The following BAG2 variants were observed in gnomAD, a reference collection of about 807,000 sequenced individuals.
BAG2 encodes BAG family molecular chaperone regulator 2.
A neutral mutation model predicts 16.4 loss-of-function variants in BAG2; 8 were observed. The ratio of observed to expected loss-of-function variants is 0.49; its 90% CI spans 0.29 to 0.88. The LOEUF (loss-of-function observed/expected upper bound fraction) is 0.88, where lower values mean the gene tolerates loss of function less well. Among genes scored for constraint, BAG2 ranks in the 40% least tolerant of loss-of-function variants. The pLI is 0.09. For missense variants in BAG2, 218 were observed against 248.9 expected (o/e 0.88, Z 0.84); for synonymous variants, 82 against 89.2 (o/e 0.92, Z 0.46).
At chr6:57,175,263 G>A (rs905820333) in intron 1 of BAG2, among the ~76,000 whole-genome samples, 8 of 152,008 alleles carry the variant, frequency 5.3e-5, no homozygotes, top group Non-Finnish European at 1.2e-4. Context: ...ATGATATTAC[G>A]ATTCTCTCTC....
intron 1 of BAG2, among the ~76,000 whole-genome samples, chr6:57,177,612 T>TTG (rs888529621): frequency 3.9e-5 from 6 of 151,924 alleles, no homozygotes; most frequent in African/African-American, 1.2e-4. Context: ...ACATATTAAC[T>TTG]TGTGTGTGTG....
chr6:57,175,124 G>T (rs561892455), intron 1 of BAG2, among the ~76,000 whole-genome samples: 1 of 152,130 alleles, frequency 6.6e-6, no homozygotes, highest in East Asian at 1.9e-4. Context: ...TTCTACAGAG[G>T]TGATTCCCTT....
In BAG2 at chr6:57,188,636, CTGTT is replaced by C. The variant is rs149301482; in HGVS notation, c.*4451_*4454del. 1.3e-5 allele frequency: 2 copies of C among 152,132 alleles called. No individual in the cohort carries two copies. Among genetic ancestry groups the C allele is most frequent in the African/African-American group, 2.4e-5 (1 of 41,430 alleles). 9.4% of individuals were successfully genotyped at this position (152,132 alleles called of 1,614,324 possible). The stretch of plus-strand genomic sequence containing the variant: ...AAAGATGACTCATTAGCAGTATCCA[CTGTT>C]TGTTAGGAACTGAATTTTGCCCCCA... On this transcript the variant is annotated 3_prime_UTR_variant, in exon 3 of 3. Transcript: ENST00000370693.
At chr6:57,177,828 T>C (rs1335928273) in intron 1 of BAG2, among the ~76,000 whole-genome samples, 1 of 152,220 alleles carries the variant, frequency 6.6e-6, no homozygotes, top group Non-Finnish European at 1.5e-5. Flanking sequence ...GCAAAATTGC[T>C]GTTGTACTCC....
rs542218706 is a variant in BAG2, at chr6:57,180,184, G to A, written c.114-1848G>A. On this transcript the variant is annotated intron_variant, in intron 1 of 2. Coordinates refer to ENST00000370693, the MANE Select transcript of BAG2 (RefSeq NM_004282.4). ...AATTCACAATAGCAGCAATATCCAC[G>A]AAGACTACTATGAAGAATACATGGG... 3.9e-5 allele frequency among the ~76,000 whole-genome samples: 6 copies of A among 152,180 alleles called. No individual in the cohort carries two copies. The South Asian group carries it at 1.0e-3, about 26-fold the overall frequency.
intron 1 of BAG2, among the ~76,000 whole-genome samples, chr6:57,177,467 C>T (rs986341087): frequency 1.3e-5 from 2 of 152,192 alleles, no homozygotes; most frequent in South Asian, 4.2e-4. Flanking sequence ...ATGGTATGAG[C>T]ATTTGCCATT....
chr6:57,174,504 T>C lies in BAG2; in HGVS notation c.113+1694T>C. 4 of 867,930 alleles carry C rather than the reference T, an allele frequency of 4.6e-6. No individual in the cohort carries two copies. In the South Asian group the frequency reaches 6.5e-5, roughly 14 times the overall value. 53.8% of individuals were successfully genotyped at this position (867,930 alleles called of 1,614,324 possible). On this transcript the variant is annotated intron_variant, in intron 1 of 2. Transcript: ENST00000370693. ...ATGTAAAATGAATTCTGATTGCACATCAGTGATTAAATTACAACTTGCTTA... is the reference window on the plus strand; with the variant it reads ...ATGTAAAATGAATTCTGATTGCACACCAGTGATTAAATTACAACTTGCTTA...
chr6:57,189,413 T>C lies in BAG2; in HGVS notation c.*5223T>C, dbSNP rs1764744990. 6.6e-6 allele frequency: 1 copy of C among 152,216 alleles called. No individual in the cohort carries two copies. The highest frequency in any genetic ancestry group is 2.4e-5 in the African/African-American group (1 of 41,460). The allele number at this position is 152,216 out of a possible 1,614,324, so 9.4% of individuals were successfully genotyped here. On this transcript the variant is annotated 3_prime_UTR_variant, in exon 3 of 3. Coordinates refer to ENST00000370693, the MANE Select transcript of BAG2 (RefSeq NM_004282.4). ...CACTTTAAAAATGGTTAGTGTAATCTTGTAAGTTCAAAGCTGGGTTCTCAG... is the reference window on the plus strand; with the variant it reads ...CACTTTAAAAATGGTTAGTGTAATCCTGTAAGTTCAAAGCTGGGTTCTCAG...
chr6:57,178,014 G>A (rs1000804002), intron 1 of BAG2, among the ~76,000 whole-genome samples: 2 of 152,174 alleles, frequency 1.3e-5, no homozygotes, highest in Non-Finnish European at 2.9e-5. Flanking sequence ...CATGCAGGGA[G>A]TTTTCCAGGA....
intron 1 of BAG2, among the ~76,000 whole-genome samples, chr6:57,176,708 G>A (rs1028219823): frequency 1.2e-4 from 18 of 152,264 alleles, no homozygotes; most frequent in African/African-American, 4.3e-4. Context: ...CATTCGTCTG[G>A]CTTAAAGTTT....
At position 57,188,898 on chromosome 6, in the gene BAG2, A is replaced by AG. The variant is rs1764721067; in HGVS notation, c.*4712dup. On this transcript the variant is annotated 3_prime_UTR_variant, in exon 3 of 3. Coordinates refer to ENST00000370693, the MANE Select transcript of BAG2 (RefSeq NM_004282.4). ...TGATTTTCTCAACATTAGGAGGATG[A>AG]GGGGAGTACAGATGGAAAAACAAAA... 6.6e-6 allele frequency: 1 copy of AG among 152,204 alleles called. No homozygotes were observed. The highest frequency in any genetic ancestry group is 1.5e-5 in the Non-Finnish European group (1 of 68,014). 9.4% of individuals were successfully genotyped at this position (152,204 alleles called of 1,614,324 possible). A position where few individuals can be genotyped will look rare whatever the true frequency, so the allele number is the denominator to read the frequency against.
At chr6:57,182,662 CTTTTTTT>C (rs932870447) in intron 2 of BAG2, among the ~76,000 whole-genome samples, 23 of 150,412 alleles carry the variant, frequency 1.5e-4, no homozygotes, top group Middle Eastern at 3.4e-3. Context: ...TTTCTTTTTT[CTTTTTTT>C]GAGATGGAGT....
intron 1 of BAG2, chr6:57,173,469 T>C: frequency 1.0e-6 from 1 of 985,390 alleles, no homozygotes. Context: ...TCGGTATTTA[T>C]TGGGCACCTC....
chr6:57,187,008 C>T lies in BAG2; in HGVS notation c.*2818C>T, dbSNP rs1296118823. 6.6e-6 allele frequency: 1 copy of T among 152,120 alleles called. No homozygotes were observed. The highest frequency in any genetic ancestry group is 1.5e-5 in the Non-Finnish European group (1 of 68,002). 9.4% of individuals were successfully genotyped at this position (152,120 alleles called of 1,614,324 possible). On this transcript the variant is annotated 3_prime_UTR_variant, in exon 3 of 3. Coordinates refer to ENST00000370693, the MANE Select transcript of BAG2 (RefSeq NM_004282.4). The stretch of plus-strand genomic sequence containing the variant: ...CACACAAAATTTTAGCTTTGAAATG[C>T]ATTTATTTTCTGATTATTGGAATTC...
In BAG2 at chr6:57,188,251, C is replaced by T. The variant is rs1445411927; in HGVS notation, c.*4061C>T. 1.3e-5 allele frequency: 2 copies of T among 152,076 alleles called. No individual in the cohort carries two copies. The highest frequency in any genetic ancestry group is 6.5e-5 in the Admixed American group (1 of 15,276). 9.4% of individuals were successfully genotyped at this position (152,076 alleles called of 1,614,324 possible). A position where few individuals can be genotyped will look rare whatever the true frequency, so the allele number is the denominator to read the frequency against. Reference sequence around the variant, plus strand: ...TAAATTGAGAAATTAACATGGCTGACTTTCAGGCCTACTTAATTATTTTAA... The same window carrying T: ...TAAATTGAGAAATTAACATGGCTGATTTTCAGGCCTACTTAATTATTTTAA... On this transcript the variant is annotated 3_prime_UTR_variant, in exon 3 of 3. Coordinates refer to ENST00000370693, the MANE Select transcript of BAG2 (RefSeq NM_004282.4).
chr6:57,172,867 GCGGTTAGCGGA>G, intron 1 of BAG2, 57 bp downstream of exon 1: 2 of 1,366,818 alleles, frequency 1.5e-6, no homozygotes, highest in East Asian at 3.0e-5. Flanking sequence ...CGGTTCGCGG[GCGGTTAGCGGA>G]CGGAGGCCGC....
At chr6:57,173,098 A>G (rs1318764668) in intron 1 of BAG2, 7 of 1,024,494 alleles carry the variant, frequency 6.8e-6, no homozygotes, top group East Asian at 6.0e-5. Flanking sequence ...TAGGGAGCGG[A>G]AAAAAATCAG....
At chr6:57,173,043 G>C (rs896619006) in intron 1 of BAG2, 23 of 741,526 alleles carry the variant, frequency 3.1e-5, no homozygotes, top group Admixed American at 4.7e-5. Context: ...CTAAACCTGT[G>C]AGGGCGTTAT....
intron 2 of BAG2, among the ~76,000 whole-genome samples, chr6:57,183,406 C>T (rs1593196759): frequency 6.6e-6 from 1 of 152,148 alleles, no homozygotes; most frequent in Non-Finnish European, 1.5e-5. Context: ...ATGCACATGT[C>T]GTTCTGGAGA....
Sources: gnomAD v4.1 joint callset for allele counts (sites outside exome capture counted in the v4.1 genomes callset) on GRCh38, gnomAD v4.1.1 for gene constraint, MANE v1.5 for transcripts, NCBI Gene and HGNC (gene_info 2026-07-23, HGNC 2026-07-21) for gene names.